Variants in PTPRZ1 observed in about 807,000 individuals in gnomAD.
PTPRZ1 encodes the protein protein tyrosine phosphatase receptor type Z1, also known as receptor-type tyrosine-protein phosphatase zeta.
Under a neutral mutation model 214.1 loss-of-function variants are expected in PTPRZ1, and 82 were observed. That is an observed-to-expected ratio of 0.38 (90% confidence interval 0.32 to 0.46). The LOEUF (loss-of-function observed/expected upper bound fraction) is 0.46. Among genes scored for constraint, PTPRZ1 ranks in the 20% least tolerant of loss-of-function variants. PTPRZ1 has a pLI of 1.00. For synonymous variants in PTPRZ1, 945 were observed against 987.9 expected (o/e 0.96, Z 0.81); for missense variants, 2,603 against 2,748.7 (o/e 0.95, Z 1.19).
chr7:121,884,774 A>T (rs73717739), intron 1 of PTPRZ1, among the ~76,000 whole-genome samples: 1 of 152,236 alleles, frequency 6.6e-6, no homozygotes, highest in Non-Finnish European at 1.5e-5. Context: ...AGAAAAGAGA[A>T]TAATAATGTA....
intron 10 of PTPRZ1, among the ~76,000 whole-genome samples, chr7:121,998,369 C>G (rs1311327182): frequency 6.6e-6 from 1 of 151,944 alleles, no homozygotes; most frequent in Non-Finnish European, 1.5e-5. Flanking sequence ...CTTTTCAGCC[C>G]CCAAAGCATT....
At position 121,940,747 on chromosome 7, in the gene PTPRZ1, G is replaced by A. The variant is rs76745451; in HGVS notation, c.124+12526G>A. On this transcript the variant is annotated intron_variant, in intron 2 of 29. Coordinates refer to ENST00000393386, the MANE Select transcript of PTPRZ1 (RefSeq NM_002851.3). ...CTTCTGACAGGTTTATGTCCATCAC[G>A]CAATTATCTTTCAATAGTACAGATA... Among the ~76,000 whole-genome samples, 846 of 151,348 alleles carry A rather than the reference G, an allele frequency of 5.6e-3. 8 individuals carry two copies. The highest frequency in any genetic ancestry group is 0.019 in the African/African-American group (778 of 41,194).
In PTPRZ1 at chr7:121,908,100, T is replaced by A. The variant is rs77301712; in HGVS notation, c.59-20056T>A. On this transcript the variant is annotated intron_variant, in intron 1 of 29. Transcript: ENST00000393386. ...ACCAAATGTGTCAAGTGTTGCCAAATAAATATAGAGGAAGAGGATACCATG... is the reference window on the plus strand; with the variant it reads ...ACCAAATGTGTCAAGTGTTGCCAAAAAAATATAGAGGAAGAGGATACCATG... Among the ~76,000 whole-genome samples the A allele has an allele frequency of 7.6e-3, 1,160 of 152,208 alleles. 11 individuals carry two copies. The highest frequency in any genetic ancestry group is 0.031 in the South Asian group (149 of 4,822).
At chr7:121,926,296 T>C (rs1795760419) in intron 1 of PTPRZ1, among the ~76,000 whole-genome samples, 1 of 103,558 alleles carries the variant, frequency 9.7e-6, no homozygotes, top group South Asian at 3.6e-4. Flanking sequence ...CAGAGCAAGA[T>C]TCTGTCAAAA....
intron 6 of PTPRZ1, among the ~76,000 whole-genome samples, chr7:121,978,833 A>G (rs191565134): frequency 9.8e-5 from 15 of 152,338 alleles, no homozygotes; most frequent in African/African-American, 3.6e-4. Context: ...AAATAAGTTA[A>G]GTCTTTCTAA....
intron 2 of PTPRZ1, among the ~76,000 whole-genome samples, chr7:121,959,952 G>C (rs971788754): frequency 6.6e-5 from 10 of 152,182 alleles, no homozygotes; most frequent in African/African-American, 2.2e-4. Context: ...AAGGCAACTG[G>C]TGCTAGATGC....
intron 1 of PTPRZ1, among the ~76,000 whole-genome samples, chr7:121,918,226 A>G (rs1795484082): frequency 6.6e-6 from 1 of 152,218 alleles, no homozygotes; most frequent in South Asian, 2.1e-4. Flanking sequence ...TAAAGCTGCC[A>G]GATTGTCCTG....
chr7:121,998,286 G>T (rs1329574477), intron 10 of PTPRZ1, among the ~76,000 whole-genome samples: 1 of 152,098 alleles, frequency 6.6e-6, no homozygotes, highest in Non-Finnish European at 1.5e-5. Flanking sequence ...ATCATTAAAT[G>T]AAAATTGCTA....
intron 2 of PTPRZ1, among the ~76,000 whole-genome samples, chr7:121,949,643 C>G (rs1796494864): frequency 6.6e-6 from 1 of 152,122 alleles, no homozygotes; most frequent in African/African-American, 2.4e-5. Flanking sequence ...CAGGAAACTA[C>G]AAGGTGGTCA....
At chr7:122,026,939 G>C (rs1363829097) in intron 13 of PTPRZ1, among the ~76,000 whole-genome samples, 1 of 152,150 alleles carries the variant, frequency 6.6e-6, no homozygotes, top group Non-Finnish European at 1.5e-5. Context: ...GAGCACTAAA[G>C]ACTAACACTG....
At chr7:121,998,532 A>T (rs949037574) in intron 10 of PTPRZ1, among the ~76,000 whole-genome samples, 1 of 151,910 alleles carries the variant, frequency 6.6e-6, no homozygotes, top group Non-Finnish European at 1.5e-5. Context: ...GATTGCCCTT[A>T]CTCTTCCCAA....
At chr7:121,876,955 G>C (rs1794081108) in intron 1 of PTPRZ1, among the ~76,000 whole-genome samples, 1 of 152,134 alleles carries the variant, frequency 6.6e-6, no homozygotes, top group African/African-American at 2.4e-5. Context: ...TGTCTAAAGT[G>C]AGAGATTTGC....
At chr7:121,934,082 G>A (rs530528043) in intron 2 of PTPRZ1, among the ~76,000 whole-genome samples, 2 of 152,254 alleles carry the variant, frequency 1.3e-5, no homozygotes, top group South Asian at 4.1e-4. Context: ...GTTACCCCTG[G>A]AGAGTGAGTC....
chr7:122,019,312 AGATTTT>A (rs751607818), intron 13 of PTPRZ1, 44 bp downstream of exon 13: 1 of 1,555,372 alleles, frequency 6.4e-7, no homozygotes, highest in South Asian at 1.1e-5. Context: ...CATAAAACTC[AGATTTT>A]GCCCATATTT....
At chr7:121,931,249 TA>T (rs570315140) in intron 2 of PTPRZ1, among the ~76,000 whole-genome samples, 34 of 152,192 alleles carry the variant, frequency 2.2e-4, no homozygotes, top group Non-Finnish European at 3.7e-4. Context: ...ATAACTGCTT[TA>T]AAAACGTGAT....
intron 1 of PTPRZ1, among the ~76,000 whole-genome samples, chr7:121,895,375 G>A (rs1489239229): frequency 6.6e-6 from 1 of 152,118 alleles, no homozygotes; most frequent in Non-Finnish European, 1.5e-5. Context: ...GAAATAAGGG[G>A]ACTTCCAGGA....
chr7:121,936,572 A>C (rs2116404428), intron 2 of PTPRZ1, among the ~76,000 whole-genome samples: 1 of 152,362 alleles, frequency 6.6e-6, no homozygotes, highest in Non-Finnish European at 1.5e-5. Context: ...CAGTATGTGC[A>C]AAATCACATC....
At chr7:121,942,038 C>A (rs1160676033) in intron 2 of PTPRZ1, among the ~76,000 whole-genome samples, 1 of 152,186 alleles carries the variant, frequency 6.6e-6, no homozygotes, top group Non-Finnish European at 1.5e-5. Flanking sequence ...GGATCATTAT[C>A]CAAGCTCAGT....
intron 1 of PTPRZ1, among the ~76,000 whole-genome samples, chr7:121,888,669 A>C (rs1232641753): frequency 1.3e-5 from 2 of 152,180 alleles, no homozygotes; most frequent in Non-Finnish European, 2.9e-5. Context: ...TTAAGAAATT[A>C]TTTTGAAATG....
Sources: allele counts gnomAD v4.1 joint callset (sites outside exome capture counted in the v4.1 genomes callset), GRCh38; gene constraint gnomAD v4.1.1; transcripts MANE v1.5; gene names NCBI Gene and HGNC (gene_info 2026-07-23, HGNC 2026-07-21).